The following MAGI1 variants were observed in gnomAD, a reference collection of about 807,000 sequenced individuals.
MAGI1 encodes membrane associated guanylate kinase, WW and PDZ domain containing 1.
In MAGI1, 58 loss-of-function variants were observed where a neutral mutation model predicts 139.9. That is an observed-to-expected ratio of 0.41 (90% CI 0.34 to 0.52). The LOEUF is 0.52. Ranked by LOEUF, MAGI1 falls within the 20% of genes least tolerant of loss-of-function variation. The pLI is 0.12. For missense variants in MAGI1, 1,874 were observed against 1,901.6 expected, an observed-to-expected ratio of 0.99 and a Z score of 0.27; for synonymous variants, 812 against 737.9, an observed-to-expected ratio of 1.10 and a Z score of -1.63.
At chr3:65,640,933 T>C (rs1184632450) in intron 1 of MAGI1, among the ~76,000 whole-genome samples, 1 of 152,172 alleles carries the variant, frequency 6.6e-6, no homozygotes, top group Admixed American at 6.5e-5. Context: ...CTTTGGGAAC[T>C]GTGACACCCT....
At chr3:65,843,161 T>C (rs192846349) in intron 1 of MAGI1, among the ~76,000 whole-genome samples, 4 of 152,302 alleles carry the variant, frequency 2.6e-5, no homozygotes, top group African/African-American at 7.2e-5. Flanking sequence ...TCTAAGATAA[T>C]GTTATAAAAA....
intron 1 of MAGI1, among the ~76,000 whole-genome samples, chr3:65,701,475 A>T (rs931130050): frequency 4.6e-5 from 7 of 151,986 alleles, no homozygotes; most frequent in Admixed American, 4.6e-4. Flanking sequence ...CTGGTCTCGA[A>T]CTCCTGACCT....
chr3:65,915,097 T>C (rs1458802109), intron 1 of MAGI1, among the ~76,000 whole-genome samples: 3 of 152,202 alleles, frequency 2.0e-5, no homozygotes, highest in Non-Finnish European at 4.4e-5. Context: ...AATTGTGTGG[T>C]AAATGATGTT....
intron 1 of MAGI1, among the ~76,000 whole-genome samples, chr3:65,943,246 T>A (rs1301488093): frequency 6.6e-6 from 1 of 152,108 alleles, no homozygotes; most frequent in Non-Finnish European, 1.5e-5. Flanking sequence ...TGTCCCTTTT[T>A]CTCTCTGAAC....
At chr3:65,527,320 C>T (rs2107825643) in intron 2 of MAGI1, among the ~76,000 whole-genome samples, 1 of 152,332 alleles carries the variant, frequency 6.6e-6, no homozygotes, top group Non-Finnish European at 1.5e-5. Context: ...TGGCTCATGC[C>T]TATAATCCCA....
chr3:65,728,850 G>A (rs2033886637), intron 1 of MAGI1, among the ~76,000 whole-genome samples: 1 of 152,066 alleles, frequency 6.6e-6, no homozygotes, highest in Non-Finnish European at 1.5e-5. Flanking sequence ...ACTTGAGTGT[G>A]TAATGAAGCC....
At chr3:66,014,130 G>C (rs1167884895) in intron 1 of MAGI1, among the ~76,000 whole-genome samples, 2 of 152,100 alleles carry the variant, frequency 1.3e-5, no homozygotes, top group East Asian at 1.9e-4. Context: ...GAGGAAGGTA[G>C]GGTAAACACA....
At position 65,357,084 on chromosome 3, in the gene MAGI1, G is replaced by A. The variant is rs760423671; in HGVS notation, c.3683C>T (p.Pro1228Leu). ...GCGGTCGGGCCCGGCCCTCACTTCC[G>A]GAACACCTTGTGGACCGGTGGCGGG... is the stretch of plus-strand genomic sequence containing the variant. The part of the protein sequence containing the change: ...HGPATGPQGV[P>L]EVRAGPDRRQ... Residue 1228 changes from proline (P) to leucine (L), a missense_variant, in exon 23 of 23, where the codon CCG (proline) becomes CTG (leucine). Physicochemically the swap from Pro to Leu is moderately conservative, Grantham distance 98. Coordinates refer to ENST00000402939, the MANE Select transcript of MAGI1 (RefSeq NM_001033057.2). 5.0e-6 allele frequency: 8 copies of A among 1,614,080 alleles called. No individual in the cohort carries two copies. The highest frequency in any genetic ancestry group is 6.8e-6 in the Non-Finnish European group (8 of 1,179,988).
At chr3:65,987,499 C>T (rs983160064) in intron 1 of MAGI1, among the ~76,000 whole-genome samples, 14 of 152,280 alleles carry the variant, frequency 9.2e-5, no homozygotes, top group Admixed American at 2.6e-4. Context: ...GCAGGCGAGC[C>T]ACTTACCTTG....
rs115845992 is a variant in MAGI1 at position 65,377,825 on chromosome 3, G to C, written c.2995+1436C>G. Among the ~76,000 whole-genome samples, 465 of 152,290 alleles carry C rather than the reference G, an allele frequency of 3.1e-3. 4 individuals carry two copies. The highest frequency in any genetic ancestry group is 0.011 in the African/African-American group (440 of 41,556). On this transcript the variant is annotated intron_variant, in intron 17 of 22. Coordinates refer to ENST00000402939, the MANE Select transcript of MAGI1 (RefSeq NM_001033057.2). ...TTGTTACTGCAGCCACACATGCATA[G>C]ACCTGGCTGAGTCACTGTCCCCTGT...
At chr3:66,035,249 C>A (rs1042762007) in intron 1 of MAGI1, among the ~76,000 whole-genome samples, 28 of 152,146 alleles carry the variant, frequency 1.8e-4, no homozygotes, top group Admixed American at 1.8e-3. Context: ...CAGTTTTGGT[C>A]CATGTATCTT....
intron 2 of MAGI1, among the ~76,000 whole-genome samples, chr3:65,529,349 C>A (rs2078531069): frequency 6.6e-6 from 1 of 152,124 alleles, no homozygotes; most frequent in Non-Finnish European, 1.5e-5. Flanking sequence ...ACTCCATACC[C>A]ATTAAGCATT....
intron 2 of MAGI1, among the ~76,000 whole-genome samples, chr3:65,546,338 G>T (rs1463708211): frequency 6.6e-6 from 1 of 152,058 alleles, no homozygotes; most frequent in African/African-American, 2.4e-5. Context: ...TCATTATTTC[G>T]ATAACTGTAT....
chr3:65,356,667 G>C lies in MAGI1; in HGVS notation c.4100C>G (p.Pro1367Arg). The change falls in exon 23 of 23, where the codon CCC (proline) becomes CGC (arginine). Residue 1367 changes from proline to arginine, a missense_variant. Physicochemically the swap from Pro to Arg is moderately radical, Grantham distance 103. This residue lies in a region of MAGI1 where 653 missense variants were observed against 644.5 expected (regional missense o/e 1.01). Transcript: ENST00000402939. The stretch of plus-strand genomic sequence containing the variant: ...CTCCAGAGACCGTCTCCGCCGGCTG[G>C]GGGAGCCGTCTCTCCTGCGGGTGGG... ...RSPTRRRDGS[P>R]SRRRRSLERL... is the part of the protein sequence containing the mutation. 6.3e-7 allele frequency: 1 copy of C among 1,584,244 alleles called. No individual in the cohort carries two copies. Among genetic ancestry groups the C allele is most frequent in the Non-Finnish European group, 8.6e-7 (1 of 1,166,642 alleles).
intron 9 of MAGI1, among the ~76,000 whole-genome samples, chr3:65,438,520 T>C (rs1948009720): frequency 6.6e-6 from 1 of 152,220 alleles, no homozygotes; most frequent in South Asian, 2.1e-4. Context: ...ACTAAATGTA[T>C]ATGAGAAGAG....
chr3:65,422,921 A>G (rs1946732696), intron 12 of MAGI1, among the ~76,000 whole-genome samples: 1 of 152,118 alleles, frequency 6.6e-6, no homozygotes. Context: ...CTATTCTGAC[A>G]TGAGGAACTG....
intron 1 of MAGI1, among the ~76,000 whole-genome samples, chr3:65,731,196 C>A (rs72906202): frequency 0.014 from 2,088 of 152,196 alleles, 36 homozygotes; most frequent in African/African-American, 0.041. Flanking sequence ...AAGAGAGAAA[C>A]CCTGTCTTCA....
intron 1 of MAGI1, among the ~76,000 whole-genome samples, chr3:65,716,050 C>A (rs1000840916): frequency 5.9e-5 from 9 of 152,140 alleles, no homozygotes; most frequent in African/African-American, 1.4e-4. Context: ...TGAAAACAAA[C>A]AATTATATTC....
chr3:65,764,084 G>GA (rs5849691), intron 1 of MAGI1, among the ~76,000 whole-genome samples: 68,208 of 125,370 alleles, frequency 0.54, 17,010 homozygotes, highest in Admixed American at 0.61. Context: ...AAGAAAAAAA[G>GA]AAAAAAAAAA....
Sources: gnomAD v4.1 joint callset for allele counts (sites outside exome capture counted in the v4.1 genomes callset) on GRCh38, gnomAD v4.1.1 for gene constraint, gnomAD v4.1.1 regional missense constraint, MANE v1.5 for transcripts, NCBI Gene and HGNC (gene_info 2026-07-23, HGNC 2026-07-21) for gene names.